Variants in PCDH15 observed in about 807,000 individuals in gnomAD.
PCDH15 encodes the protein protocadherin-15.
PCDH15 carries 129 observed loss-of-function variants against 178.5 expected under a neutral mutation model. The observed-to-expected ratio is 0.72, with a 90% CI of 0.63 to 0.84. PCDH15 has a LOEUF of 0.84. PCDH15 is among the 40% of genes least tolerant of loss of function. The probability of loss-of-function intolerance (pLI) is 0.00; values close to 1 mark genes in which losing one functional copy is unlikely to be tolerated. For missense variants in PCDH15, 2,230 were observed against 2,099.9 expected (o/e 1.06, Z -1.21); for synonymous variants, 800 against 732.0 (o/e 1.09, Z -1.50).
chr10:55,269,306 A>G (rs1842378787), intron 1 of PCDH15, among the ~76,000 whole-genome samples: 1 of 152,010 alleles, frequency 6.6e-6, no homozygotes, highest in South Asian at 2.1e-4. Context: ...AGAAAGAAAA[A>G]AAAAGGCATT....
intron 3 of PCDH15, among the ~76,000 whole-genome samples, chr10:54,868,558 C>G (rs552324696): frequency 3.3e-5 from 5 of 152,248 alleles, no homozygotes; most frequent in African/African-American, 1.2e-4. Context: ...CTTTGACCAC[C>G]TTTAATCCCA....
In PCDH15 at chr10:55,295,581, A is replaced by G. The variant is rs1406024056; in HGVS notation, c.-156+24018T>C. Among the ~76,000 whole-genome samples, 3 of 152,354 alleles carry G rather than the reference A, an allele frequency of 2.0e-5. No individual in the cohort carries two copies. In the East Asian group the frequency reaches 5.8e-4, roughly 29 times the overall value. ...TAGGTAATGAAAAATGATTTACCTAAACATATTCTGGGATGTCCAATTTCT... is the reference window on the plus strand; with the variant it reads ...TAGGTAATGAAAAATGATTTACCTAGACATATTCTGGGATGTCCAATTTCT... On this transcript the variant is annotated intron_variant, in intron 1 of 5. Transcript: ENST00000458638.
rs753163816 is a variant in PCDH15 at position 53,810,691 on chromosome 10, CA to C, written c.4563-28del. On this transcript the variant is annotated intron_variant, in intron 36 of 37. Coordinates refer to ENST00000644397, the MANE Select transcript of PCDH15 (RefSeq NM_001384140.1). ...TGTAATATAAACTTACATCTTTAAACAGTTTGTCATGTGATTTCTGTAGAAT... is the reference window on the plus strand; with the variant it reads ...TGTAATATAAACTTACATCTTTAAACGTTTGTCATGTGATTTCTGTAGAAT... 6 of 1,577,318 alleles carry C rather than the reference CA, an allele frequency of 3.8e-6. No individual in the cohort carries two copies. The East Asian group carries it at 1.3e-4, about 35-fold the overall frequency.
chr10:54,763,248 G>A (rs115621292), intron 1 of PCDH15, among the ~76,000 whole-genome samples: 2,793 of 152,210 alleles, frequency 0.018, 88 homozygotes, highest in African/African-American at 0.062. Flanking sequence ...CAATATTGGT[G>A]CACTACAACA....
chr10:53,853,138 A>C (rs962174499), intron 28 of PCDH15, among the ~76,000 whole-genome samples: 3 of 152,098 alleles, frequency 2.0e-5, no homozygotes, highest in Non-Finnish European at 4.4e-5. Context: ...GGTTTTAAAA[A>C]AAATCTACAA....
At chr10:55,114,685 C>A (rs1217870481) in intron 2 of PCDH15, among the ~76,000 whole-genome samples, 2 of 152,156 alleles carry the variant, frequency 1.3e-5, no homozygotes, top group Non-Finnish European at 2.9e-5. Context: ...GAACTCCCTG[C>A]ACTCAATAAG....
chr10:55,110,487 A>G (rs147323882), intron 2 of PCDH15, among the ~76,000 whole-genome samples: 4 of 152,264 alleles, frequency 2.6e-5, no homozygotes, highest in East Asian at 3.9e-4. Context: ...AAGGTCTTCA[A>G]ACTTTGCTTG....
intron 2 of PCDH15, among the ~76,000 whole-genome samples, chr10:55,583,197 G>A (rs989190588): frequency 1.3e-5 from 2 of 152,160 alleles, no homozygotes; most frequent in African/African-American, 4.8e-5. Flanking sequence ...ATTAATCACG[G>A]TGCAAACTAA....
At chr10:54,752,492 C>CAAACAAA (rs1946421754) in intron 1 of PCDH15, among the ~76,000 whole-genome samples, 1 of 67,784 alleles carries the variant, frequency 1.5e-5, no homozygotes, top group Non-Finnish European at 3.3e-5. Context: ...AAAAAAAAAA[C>CAAACAAA]AAAAAACAAA....
At chr10:53,896,570 C>T (rs1359464123) in intron 26 of PCDH15, among the ~76,000 whole-genome samples, 3 of 152,040 alleles carry the variant, frequency 2.0e-5, no homozygotes, top group Admixed American at 1.3e-4. Context: ...GACAGGGGTC[C>T]CCAACCCTCA....
At chr10:54,765,345 T>C (rs540698658) in intron 1 of PCDH15, among the ~76,000 whole-genome samples, 2 of 152,268 alleles carry the variant, frequency 1.3e-5, no homozygotes, top group African/African-American at 4.8e-5. Flanking sequence ...ACATGCGCTA[T>C]AATTCTCAAA....
At chr10:55,258,148 T>C (rs962037021) in intron 1 of PCDH15, among the ~76,000 whole-genome samples, 1 of 152,162 alleles carries the variant, frequency 6.6e-6, no homozygotes, top group Admixed American at 6.5e-5. Context: ...AATCTTATCA[T>C]TGGAATTTGC....
chr10:54,641,854 C>T (rs2093997480), intron 2 of PCDH15, among the ~76,000 whole-genome samples: 1 of 151,516 alleles, frequency 6.6e-6, no homozygotes, highest in African/African-American at 2.4e-5. Flanking sequence ...GCCCCCTTCC[C>T]CTGCCCCCAC....
At chr10:55,159,797 G>C (rs1043504366) in intron 2 of PCDH15, among the ~76,000 whole-genome samples, 1 of 147,618 alleles carries the variant, frequency 6.8e-6, no homozygotes, top group Admixed American at 6.8e-5. Context: ...TATATATAAA[G>C]ATATAATATA....
chr10:55,545,693 C>T (rs997124685), intron 2 of PCDH15, among the ~76,000 whole-genome samples: 1 of 152,068 alleles, frequency 6.6e-6, no homozygotes, highest in South Asian at 2.1e-4. Context: ...TTACAGGCAC[C>T]AGCCACTGTG....
intron 1 of PCDH15, among the ~76,000 whole-genome samples, chr10:54,737,112 A>G (rs556221944): frequency 2.0e-5 from 3 of 152,232 alleles, no homozygotes; most frequent in Admixed American, 1.3e-4. Flanking sequence ...CACAGAAGAC[A>G]TGAAAGAAGC....
chr10:55,598,125 T>A (rs1251820856), intron 2 of PCDH15, among the ~76,000 whole-genome samples: 1 of 151,992 alleles, frequency 6.6e-6, no homozygotes, highest in Non-Finnish European at 1.5e-5. Context: ...GTTGGTAAAT[T>A]TTGTGCCAGC....
chr10:55,122,355 C>T (rs964679510), intron 2 of PCDH15, among the ~76,000 whole-genome samples: 4 of 152,024 alleles, frequency 2.6e-5, no homozygotes, highest in Non-Finnish European at 4.4e-5. Context: ...GTTATAACTA[C>T]GGGCTAGAAA....
At chr10:55,475,778 C>G (rs962850199) in intron 2 of PCDH15, among the ~76,000 whole-genome samples, 1 of 152,064 alleles carries the variant, frequency 6.6e-6, no homozygotes, top group Non-Finnish European at 1.5e-5. Flanking sequence ...ACTTTGGTCC[C>G]AAGCCTTTTG....
Sources: allele counts gnomAD v4.1 joint callset (sites outside exome capture counted in the v4.1 genomes callset), GRCh38; gene constraint gnomAD v4.1.1; transcripts MANE v1.5; gene names NCBI Gene and HGNC (gene_info 2026-07-23, HGNC 2026-07-21).